NRXN1: variants seen among roughly 807,000 people sequenced by gnomAD.
NRXN1 encodes neurexin 1, also known as neurexin-1.
In NRXN1, 39 loss-of-function variants were observed where a neutral mutation model predicts 150.9. The ratio of observed to expected loss-of-function variants is 0.26; its 90% CI spans 0.20 to 0.34. The LOEUF (loss-of-function observed/expected upper bound fraction) is 0.34, where lower values mean the gene tolerates loss of function less well. Among genes scored for constraint, NRXN1 ranks in the 10% least tolerant of loss-of-function variants. The probability of loss-of-function intolerance (pLI) is 1.00; values close to 1 mark genes in which losing one functional copy is unlikely to be tolerated. For synonymous variants in NRXN1, 924 were observed against 757.0 expected, an observed-to-expected ratio of 1.22 and a Z score of -3.62; for missense variants, 1,815 against 1,949.9, an observed-to-expected ratio of 0.93 and a Z score of 1.30.
At chr2:50,657,446 G>A (rs1029137647) in intron 5 of NRXN1, among the ~76,000 whole-genome samples, 17 of 151,576 alleles carry the variant, frequency 1.1e-4, no homozygotes, top group African/African-American at 1.7e-4. Flanking sequence ...ATATTTTTTC[G>A]TCCATCTCCT....
intron 21 of NRXN1, among the ~76,000 whole-genome samples, chr2:50,041,965 G>A (rs1303614279): frequency 6.6e-6 from 1 of 152,110 alleles, no homozygotes. Flanking sequence ...ACAACTACTG[G>A]TGCCTCCTTC....
intron 21 of NRXN1, among the ~76,000 whole-genome samples, chr2:49,984,453 T>A (rs1680558447): frequency 6.6e-6 from 1 of 151,904 alleles, no homozygotes; most frequent in Non-Finnish European, 1.5e-5. Context: ...AATAAAAACT[T>A]TTTTTCCAAA....
chr2:50,195,618 G>A (rs1194288931), intron 18 of NRXN1, among the ~76,000 whole-genome samples: 1 of 152,060 alleles, frequency 6.6e-6, no homozygotes, highest in Non-Finnish European at 1.5e-5. Flanking sequence ...CACTGGCATT[G>A]CTTTTGATTG....
intron 10 of NRXN1, among the ~76,000 whole-genome samples, chr2:50,535,388 C>A (rs1231059297): frequency 6.6e-6 from 1 of 152,316 alleles, no homozygotes; most frequent in South Asian, 2.1e-4. Flanking sequence ...TTGTTGCAGT[C>A]TAAAGTGTAC....
rs766027161 is a variant in NRXN1, at chr2:50,531,216, C to A, written c.2347+11G>T. ...AAAGTGTTAGTTCAATGGGGGAAGG[C>A]AGGTTGTTACCTAGATTGACCGTCA... is the stretch of plus-strand genomic sequence containing the variant. On this transcript the variant is annotated intron_variant, in intron 11 of 22. Transcript: ENST00000401669. 14 of 1,607,336 alleles carry A rather than the reference C, an allele frequency of 8.7e-6. No homozygotes were observed. The highest frequency in any genetic ancestry group is 5.0e-5 in the Admixed American group (3 of 59,672).
intron 18 of NRXN1, among the ~76,000 whole-genome samples, chr2:50,179,027 G>C (rs1056357442): frequency 1.2e-4 from 19 of 152,110 alleles, no homozygotes; most frequent in African/African-American, 4.6e-4. Flanking sequence ...AAATACTGAA[G>C]ACTGTATTTT....
chr2:50,506,622 A>G lies in NRXN1; in HGVS notation c.2375-5T>C, dbSNP rs758256849. The stretch of plus-strand genomic sequence containing the variant: ...AAAGAGTCTCGGGACCTTTGCCTGT[A>G]GAATATGCCAAACAGTCATTATGGA... On this transcript the variant is annotated splice_polypyrimidine_tract_variant and splice_region_variant and intron_variant, in intron 12 of 22. Coordinates refer to ENST00000401669, the MANE Select transcript of NRXN1 (RefSeq NM_001330078.2). 1 of 1,612,914 alleles carries G rather than the reference A, an allele frequency of 6.2e-7. No individual in the cohort carries two copies. The highest frequency in any genetic ancestry group is 8.5e-7 in the Non-Finnish European group (1 of 1,179,230).
chr2:50,101,507 C>T (rs1302602959), intron 18 of NRXN1, among the ~76,000 whole-genome samples: 1 of 151,980 alleles, frequency 6.6e-6, no homozygotes, highest in Non-Finnish European at 1.5e-5. Flanking sequence ...ATTTCCATAG[C>T]ACAAAGCCCA....
chr2:50,791,070 A>G (rs1238963576), intron 5 of NRXN1, among the ~76,000 whole-genome samples: 1 of 151,842 alleles, frequency 6.6e-6, no homozygotes, highest in African/African-American at 2.4e-5. Context: ...AACAGCAACT[A>G]AAAGTGGATT....
chr2:50,247,019 A>T (rs1324652637), intron 17 of NRXN1, among the ~76,000 whole-genome samples: 1 of 152,108 alleles, frequency 6.6e-6, no homozygotes, highest in Non-Finnish European at 1.5e-5. Context: ...GATGAATACC[A>T]TAAGACTCCT....
intron 5 of NRXN1, among the ~76,000 whole-genome samples, chr2:50,781,555 T>C (rs3850334): frequency 0.038 from 5,777 of 152,276 alleles, 244 homozygotes; most frequent in East Asian, 0.24. Flanking sequence ...AACTTAGCCT[T>C]ACCTGTGAAA....
At chr2:50,190,755 G>A (rs1290347768) in intron 18 of NRXN1, among the ~76,000 whole-genome samples, 2 of 151,638 alleles carry the variant, frequency 1.3e-5, no homozygotes, top group Admixed American at 1.3e-4. Context: ...TGGGATTACA[G>A]GCATGCGCCA....
At chr2:50,376,774 C>A (rs993522954) in intron 17 of NRXN1, among the ~76,000 whole-genome samples, 2 of 151,990 alleles carry the variant, frequency 1.3e-5, no homozygotes, top group African/African-American at 2.4e-5. Flanking sequence ...GATAAAGAAT[C>A]ACAGATTTAG....
chr2:50,804,203 TC>T (rs1404228933), intron 5 of NRXN1, among the ~76,000 whole-genome samples: 1 of 152,164 alleles, frequency 6.6e-6, no homozygotes, highest in African/African-American at 2.4e-5. Flanking sequence ...ATTAATTGGA[TC>T]AATTTTTAGT....
intron 18 of NRXN1, among the ~76,000 whole-genome samples, chr2:50,128,024 G>C (rs1014699524): frequency 2.4e-4 from 37 of 152,090 alleles, no homozygotes; most frequent in Non-Finnish European, 3.1e-4. Flanking sequence ...TTTCATCATA[G>C]ATGTCTTCCT....
chr2:50,991,301 T>C (rs1698503168), intron 2 of NRXN1, among the ~76,000 whole-genome samples: 1 of 152,000 alleles, frequency 6.6e-6, no homozygotes, highest in African/African-American at 2.4e-5. Flanking sequence ...TTTGTGGTCT[T>C]CCATACCCCC....
At chr2:50,760,554 T>A (rs1181643370) in intron 5 of NRXN1, among the ~76,000 whole-genome samples, 1 of 151,832 alleles carries the variant, frequency 6.6e-6, no homozygotes, top group Non-Finnish European at 1.5e-5. Context: ...CAATATCGCC[T>A]TTTCTACTGC....
chr2:50,326,921 C>G (rs1162217495), intron 17 of NRXN1, among the ~76,000 whole-genome samples: 1 of 151,868 alleles, frequency 6.6e-6, no homozygotes, highest in Non-Finnish European at 1.5e-5. Context: ...TAAGTGTAAA[C>G]AAAAAAACAG....
At position 50,462,562 on chromosome 2, in the gene NRXN1, T is replaced by C. The variant is rs960716710; in HGVS notation, c.3364+2880A>G. Among the ~76,000 whole-genome samples the C allele has an allele frequency of 4.0e-5, 6 of 151,894 alleles. No homozygotes were observed. The South Asian group carries it at 8.3e-4, about 21-fold the overall frequency. On this transcript the variant is annotated intron_variant, in intron 17 of 22. Coordinates refer to ENST00000401669, the MANE Select transcript of NRXN1 (RefSeq NM_001330078.2). Reference sequence around the variant, plus strand: ...AAGAAAACTTGAAGAGGTGAGTATATGACATTACCCTGTACACACACCTGC... The same window carrying C: ...AAGAAAACTTGAAGAGGTGAGTATACGACATTACCCTGTACACACACCTGC...
Sources: gnomAD v4.1 joint callset for allele counts (sites outside exome capture counted in the v4.1 genomes callset) on GRCh38, gnomAD v4.1.1 for gene constraint, MANE v1.5 for transcripts, NCBI Gene and HGNC (gene_info 2026-07-23, HGNC 2026-07-21) for gene names.